FBXO16: variants seen among roughly 807,000 people sequenced by gnomAD.
The protein encoded by FBXO16 is F-box only protein 16.
Under a neutral mutation model 41.0 loss-of-function variants are expected in FBXO16, and 31 were observed. That is an observed-to-expected ratio of 0.76 (90% CI 0.57 to 1.02). The LOEUF is 1.02. Ranked by LOEUF, FBXO16 falls within the 50% of genes least tolerant of loss-of-function variation. The probability of loss-of-function intolerance (pLI) is 0.00; values close to 1 mark genes in which losing one functional copy is unlikely to be tolerated. For missense variants in FBXO16, 361 were observed against 346.2 expected, an observed-to-expected ratio of 1.04 and a Z score of -0.34; for synonymous variants, 133 against 117.8, an observed-to-expected ratio of 1.13 and a Z score of -0.84.
At chr8:28,430,433 A>G (rs1193973802) in intron 7 of FBXO16, among the ~76,000 whole-genome samples, 1 of 152,182 alleles carries the variant, frequency 6.6e-6, no homozygotes, top group Admixed American at 6.5e-5. Context: ...AGGTGCAGAC[A>G]TGTTTGTTGA....
chr8:28,439,147 A>G (rs1330197559), intron 7 of FBXO16, among the ~76,000 whole-genome samples: 1 of 151,934 alleles, frequency 6.6e-6, no homozygotes. Flanking sequence ...ATAATATTGA[A>G]TGAGAGCACG....
rs542471138 is a variant in FBXO16 at position 28,486,475 on chromosome 8, A to C, written c.-16-3013T>G. 2.6e-5 allele frequency among the ~76,000 whole-genome samples: 4 copies of C among 152,050 alleles called. No individual in the cohort carries two copies. In the South Asian group the frequency reaches 6.2e-4, roughly 24 times the overall value. Reference sequence around the variant, plus strand: ...CTGACCTCAGGTGATCCACCAGCCTAAGCCTCCCAAAGTGCTGGGATTACA... The same window carrying C: ...CTGACCTCAGGTGATCCACCAGCCTCAGCCTCCCAAAGTGCTGGGATTACA... On this transcript the variant is annotated intron_variant, in intron 1 of 8. Coordinates refer to ENST00000380254, the MANE Select transcript of FBXO16 (RefSeq NM_172366.4).
At chr8:28,466,583 A>T (rs554868370) in intron 3 of FBXO16, among the ~76,000 whole-genome samples, 46 of 151,528 alleles carry the variant, frequency 3.0e-4, no homozygotes, top group Non-Finnish European at 5.7e-4. Flanking sequence ...CGAAGTCAGG[A>T]GATCGAGACC....
In FBXO16 at chr8:28,432,761, C is replaced by T. The variant is rs1802627037; in HGVS notation, c.844-3358G>A. On this transcript the variant is annotated intron_variant, in intron 7 of 8. Transcript: ENST00000380254. ...TCCTAGTGCTGCCCTGGAACACCAT[C>T]ATAAGAATATTCCAGCCAGGCATGG... Among the ~76,000 whole-genome samples the T allele has an allele frequency of 2.0e-5, 3 of 151,844 alleles. No individual in the cohort carries two copies. The South Asian group carries it at 6.2e-4, about 32-fold the overall frequency.
At chr8:28,481,955 T>G (rs926393719) in intron 2 of FBXO16, among the ~76,000 whole-genome samples, 6 of 152,186 alleles carry the variant, frequency 3.9e-5, no homozygotes, top group African/African-American at 1.4e-4. Context: ...CTGCTTACTA[T>G]GAAAAGAAGT....
At chr8:28,457,931 C>T (rs1486708944) in intron 4 of FBXO16, among the ~76,000 whole-genome samples, 2 of 152,148 alleles carry the variant, frequency 1.3e-5, no homozygotes, top group East Asian at 1.9e-4. Context: ...CTATGTGTAG[C>T]AATATTTATA....
At position 28,469,402 on chromosome 8, in the gene FBXO16, G is replaced by A. The variant is rs891925714; in HGVS notation, c.135+4370C>T. Reference sequence around the variant, plus strand: ...GTGGCTATTCACAGGCATGATCATCGTGCACTACAGCTTCAAACTCGTGGG... The same window carrying A: ...GTGGCTATTCACAGGCATGATCATCATGCACTACAGCTTCAAACTCGTGGG... On this transcript the variant is annotated intron_variant, in intron 3 of 8. Transcript: ENST00000380254. Among the ~76,000 whole-genome samples the A allele has an allele frequency of 7.2e-5, 11 of 152,026 alleles. No homozygotes were observed. The East Asian group carries it at 7.7e-4, about 11-fold the overall frequency.
intron 6 of FBXO16, among the ~76,000 whole-genome samples, chr8:28,452,026 A>G (rs751631096): frequency 1.3e-5 from 2 of 151,686 alleles, no homozygotes; most frequent in African/African-American, 2.4e-5. Flanking sequence ...TAGAAGAAGC[A>G]ATGTTAAATC....
At chr8:28,488,466 T>A (rs1803638201) in intron 1 of FBXO16, among the ~76,000 whole-genome samples, 1 of 151,672 alleles carries the variant, frequency 6.6e-6, no homozygotes, top group Non-Finnish European at 1.5e-5. Context: ...TGGCTAATTT[T>A]TTTTTTTTTG....
At chr8:28,474,316 C>CAAAAAAAAAA in intron 2 of FBXO16, among the ~76,000 whole-genome samples, 17 of 56,654 alleles carry the variant, frequency 3.0e-4, no homozygotes, top group East Asian at 8.2e-4. Flanking sequence ...CAGACCCTGT[C>CAAAAAAAAAA]AAAAAAAAAA....
At chr8:28,444,299 CTTCTT>C (rs1802825582) in intron 7 of FBXO16, among the ~76,000 whole-genome samples, 1 of 140,358 alleles carries the variant, frequency 7.1e-6, no homozygotes, top group Non-Finnish European at 1.5e-5. Context: ...TCCAATATTT[CTTCTT>C]TTTTTTTTTT....
chr8:28,468,222 G>A lies in FBXO16; in HGVS notation c.136-4404C>T, dbSNP rs140113670. 1.7e-3 allele frequency among the ~76,000 whole-genome samples: 266 copies of A among 152,232 alleles called. 1 individual carries two copies. Among genetic ancestry groups the A allele is most frequent in the African/African-American group, 6.2e-3 (258 of 41,534 alleles). On this transcript the variant is annotated intron_variant, in intron 3 of 8. Transcript: ENST00000380254. ...ATTCTCCTATTCTAGCATCATGTAC[G>A]GTACCTTGCTTCCCAATTCATTCCT...
At chr8:28,437,113 C>T (rs1181885951) in intron 7 of FBXO16, among the ~76,000 whole-genome samples, 3 of 152,220 alleles carry the variant, frequency 2.0e-5, no homozygotes, top group African/African-American at 4.8e-5. Context: ...ATAACAAATA[C>T]GTATATAACT....
intron 5 of FBXO16, among the ~76,000 whole-genome samples, 168 bp from the exon 6 acceptor site, chr8:28,452,644 T>C (rs973307715): frequency 6.6e-6 from 1 of 152,030 alleles, no homozygotes; most frequent in Admixed American, 6.6e-5. Context: ...CTACTAAAAA[T>C]ACAAAAATTA....
chr8:28,433,729 A>G (rs547518895), intron 7 of FBXO16, among the ~76,000 whole-genome samples: 19 of 152,320 alleles, frequency 1.2e-4, no homozygotes, highest in Admixed American at 1.0e-3. Context: ...CAATGGCTGA[A>G]ACAACCTTGC....
intron 4 of FBXO16, among the ~76,000 whole-genome samples, chr8:28,457,450 G>T (rs543148273): frequency 6.6e-6 from 1 of 152,132 alleles, no homozygotes; most frequent in Admixed American, 6.5e-5. Flanking sequence ...AGAGAAAGAC[G>T]TTTAATGGAC....
intron 4 of FBXO16, among the ~76,000 whole-genome samples, chr8:28,462,262 T>TTTC (rs1160293515): frequency 2.2e-4 from 32 of 147,848 alleles, no homozygotes; most frequent in South Asian, 2.1e-4. Context: ...CTGCATTCAT[T>TTTC]TTCTTCTTCT....
At chr8:28,460,241 A>ATTTTT (rs1396488352) in intron 4 of FBXO16, among the ~76,000 whole-genome samples, 2 of 93,658 alleles carry the variant, frequency 2.1e-5, no homozygotes, top group African/African-American at 1.1e-4. Flanking sequence ...ATATATATAT[A>ATTTTT]TATATTTTTT....
chr8:28,465,139 G>C (rs28708508), intron 3 of FBXO16: 5,433 of 155,206 alleles, frequency 0.035, 306 homozygotes, highest in African/African-American at 0.13. Context: ...CTTCACAAGG[G>C]TCAACTTGAT....
Sources: allele counts gnomAD v4.1 joint callset (sites outside exome capture counted in the v4.1 genomes callset), GRCh38; gene constraint gnomAD v4.1.1; transcripts MANE v1.5; gene names NCBI Gene and HGNC (gene_info 2026-07-23, HGNC 2026-07-21).